Variants in LEKR1 observed in about 807,000 individuals in gnomAD.
LEKR1 encodes the protein protein LEKR1.
In LEKR1, 59 loss-of-function variants were observed where a neutral mutation model predicts 72.4. The observed-to-expected ratio is 0.82, with a 90% CI of 0.66 to 1.01. The LOEUF is 1.01. LEKR1 is among the 50% of genes least tolerant of loss of function. The pLI, the probability that LEKR1 is intolerant of heterozygous loss-of-function variation, is 0.00. For synonymous variants in LEKR1, 257 were observed against 263.2 expected (o/e 0.98, Z 0.23); for missense variants, 728 against 759.2 (o/e 0.96, Z 0.48).
At chr3:156,977,662 A>G (rs752015495) in intron 6 of LEKR1, 19 of 255,420 alleles carry the variant, frequency 7.4e-5, no homozygotes, top group Non-Finnish European at 1.4e-4. Context: ...GATAAACCCT[A>G]CAAATGTACA....
At chr3:156,856,254 A>T (rs1456027845) in intron 3 of LEKR1, among the ~76,000 whole-genome samples, 1 of 151,932 alleles carries the variant, frequency 6.6e-6, no homozygotes, top group Non-Finnish European at 1.5e-5. Flanking sequence ...TTGAAATGCC[A>T]CCTATTAATT....
intron 3 of LEKR1, among the ~76,000 whole-genome samples, chr3:156,907,014 A>G (rs1006534612): frequency 2.6e-5 from 4 of 152,212 alleles, no homozygotes; most frequent in East Asian, 3.9e-4. Context: ...AATATCTACT[A>G]TTTCTACATT....
chr3:156,942,812 A>T (rs908317239), intron 6 of LEKR1, 98 bp downstream of exon 6: 3 of 517,770 alleles, frequency 5.8e-6, no homozygotes, highest in Non-Finnish European at 9.0e-6. Context: ...ATCTTGTTTT[A>T]ATTATTTTGA....
At chr3:156,891,990 T>A (rs73025895) in intron 3 of LEKR1, among the ~76,000 whole-genome samples, 2,966 of 151,784 alleles carry the variant, frequency 0.02, 106 homozygotes, top group African/African-American at 0.067. Flanking sequence ...AAGACAAGAT[T>A]ACAAGAAACC....
chr3:156,949,825 T>C (rs1453124072), intron 6 of LEKR1, among the ~76,000 whole-genome samples: 2 of 151,344 alleles, frequency 1.3e-5, no homozygotes, highest in Non-Finnish European at 1.5e-5. Flanking sequence ...GTTTTCATAA[T>C]AGAAATAGGC....
At chr3:156,865,570 G>C (rs1223467670) in intron 3 of LEKR1, among the ~76,000 whole-genome samples, 1 of 149,598 alleles carries the variant, frequency 6.7e-6, no homozygotes, top group Non-Finnish European at 1.5e-5. Flanking sequence ...TCCATTCTTT[G>C]TTTGCACATC....
intron 10 of LEKR1, among the ~76,000 whole-genome samples, chr3:157,015,839 T>C (rs1290733165): frequency 6.6e-6 from 1 of 151,678 alleles, no homozygotes; most frequent in East Asian, 1.9e-4. Context: ...AAAGAAAAAA[T>C]TGACCATGTT....
At chr3:157,032,894 G>T (rs1734718253) in intron 12 of LEKR1, among the ~76,000 whole-genome samples, 1 of 151,784 alleles carries the variant, frequency 6.6e-6, no homozygotes, top group Non-Finnish European at 1.5e-5. Context: ...AACTGCATGT[G>T]CTCACTTTAT....
At chr3:156,985,497 C>A (rs1730594625) in intron 7 of LEKR1, among the ~76,000 whole-genome samples, 1 of 152,160 alleles carries the variant, frequency 6.6e-6, no homozygotes, top group Non-Finnish European at 1.5e-5. Context: ...TCCCTGGAAT[C>A]TGTATGTTCC....
At chr3:156,907,755 A>G (rs59870247) in intron 3 of LEKR1, among the ~76,000 whole-genome samples, 10,099 of 152,220 alleles carry the variant, frequency 0.066, 406 homozygotes, top group African/African-American at 0.11. Flanking sequence ...GTACAATTAT[A>G]AAAACTAAGG....
At chr3:156,831,064 C>G (rs1441773013) in intron 2 of LEKR1, among the ~76,000 whole-genome samples, 1 of 152,058 alleles carries the variant, frequency 6.6e-6, no homozygotes, top group Non-Finnish European at 1.5e-5. Context: ...AAATCAATCT[C>G]CGAAAATTTG....
intron 2 of LEKR1, among the ~76,000 whole-genome samples, chr3:156,847,516 G>A (rs1285618720): frequency 2.6e-5 from 4 of 152,242 alleles, no homozygotes; most frequent in South Asian, 2.1e-4. Flanking sequence ...TTCACAAAAA[G>A]CAGATAACTT....
At chr3:157,032,368 T>C (rs1175835769) in intron 12 of LEKR1, among the ~76,000 whole-genome samples, 1 of 152,214 alleles carries the variant, frequency 6.6e-6, no homozygotes, top group Non-Finnish European at 1.5e-5. Context: ...AAAAGAGCAG[T>C]AGTTTTAAAT....
intron 9 of LEKR1, 54 bp downstream of exon 9, chr3:156,993,331 C>T: frequency 8.5e-7 from 1 of 1,176,676 alleles, no homozygotes; most frequent in African/African-American, 1.5e-5. Context: ...GTTAGTATTC[C>T]ATATATATTT....
At chr3:156,838,665 C>T (rs1004650973) in intron 2 of LEKR1, among the ~76,000 whole-genome samples, 1 of 152,178 alleles carries the variant, frequency 6.6e-6, no homozygotes, top group Non-Finnish European at 1.5e-5. Flanking sequence ...TGCAATTAGG[C>T]CCAAGCACTG....
chr3:156,846,761 A>G (rs555614800), intron 2 of LEKR1, among the ~76,000 whole-genome samples: 2 of 152,310 alleles, frequency 1.3e-5, no homozygotes, highest in African/African-American at 4.8e-5. Flanking sequence ...TCTAAGCACA[A>G]AAAGCATCAT....
At chr3:156,970,869 G>T (rs1729110296) in intron 6 of LEKR1, among the ~76,000 whole-genome samples, 1 of 152,016 alleles carries the variant, frequency 6.6e-6, no homozygotes, top group African/African-American at 2.4e-5. Flanking sequence ...AACATTCCAT[G>T]CTCATGGGTA....
intron 5 of LEKR1, among the ~76,000 whole-genome samples, chr3:156,939,333 C>T (rs1310562554): frequency 6.6e-6 from 1 of 152,180 alleles, no homozygotes; most frequent in Non-Finnish European, 1.5e-5. Context: ...TGGAACAGAT[C>T]CTTCCTTCAC....
At chr3:156,831,934 C>A (rs996210297) in intron 2 of LEKR1, among the ~76,000 whole-genome samples, 1 of 152,148 alleles carries the variant, frequency 6.6e-6, no homozygotes, top group African/African-American at 2.4e-5. Flanking sequence ...CAGTTTTAAT[C>A]CCCCTCCTTT....
Sources: gnomAD v4.1 joint callset for allele counts (sites outside exome capture counted in the v4.1 genomes callset) on GRCh38, gnomAD v4.1.1 for gene constraint, MANE v1.5 for transcripts, NCBI Gene and HGNC (gene_info 2026-07-23, HGNC 2026-07-21) for gene names.